The following SCARF2 variants were observed in gnomAD, a reference collection of about 807,000 sequenced individuals.
SCARF2 encodes scavenger receptor class F member 2.
SCARF2 carries 39 observed loss-of-function variants against 73.4 expected under a neutral mutation model. That is an observed-to-expected ratio of 0.53 (90% CI 0.41 to 0.69). SCARF2 has a LOEUF of 0.69. Among genes scored for constraint, SCARF2 ranks in the 30% least tolerant of loss-of-function variants. The pLI is 0.00. For synonymous variants in SCARF2, 605 were observed against 590.0 expected (o/e 1.03, Z -0.37); for missense variants, 1,148 against 1,303.5 (o/e 0.88, Z 1.84).
rs757118955 is a variant in SCARF2 at position 20,431,077 on chromosome 22, G to C, written c.795C>G (p.Arg265=). The change falls in exon 4 of 11, where the codon CGC becomes CGG. Residue 265 remains arginine, a synonymous_variant. Coordinates refer to ENST00000622235, the MANE Select transcript of SCARF2 (RefSeq NM_182895.5). ...DGTCACEPGY[R]GKYCREPCPA... ...GGCACGGCTCGCGACAGTACTTGCC[G>C]CGGTAGCCCGGCTCGCAGGCACACG... The C allele has an allele frequency of 1.3e-6, 2 of 1,547,840 alleles. No homozygotes were observed. Among genetic ancestry groups the C allele is most frequent in the Admixed American group, 3.7e-5 (2 of 53,402 alleles).
In SCARF2 at chr22:20,425,169, C is replaced by A; in HGVS notation, c.*206G>T. On this transcript the variant is annotated 3_prime_UTR_variant, in exon 11 of 11. Coordinates refer to ENST00000622235, the MANE Select transcript of SCARF2 (RefSeq NM_182895.5). This position sits in a 1 kb window ranked among gnomAD's most constrained non-coding sequence, Gnocchi z 4.6. ...CGCCCGCTAAGCGCCTGTCAGGCCT[C>A]GACCAACGGGATGGGCCCTTCCCGC... is the stretch of plus-strand genomic sequence containing the variant. 4.8e-6 allele frequency: 2 copies of A among 420,306 alleles called. No homozygotes were observed. Among genetic ancestry groups the A allele is most frequent in the Non-Finnish European group, 8.1e-6 (2 of 246,676 alleles). 26.0% of individuals were successfully genotyped at this position (420,306 alleles called of 1,614,324 possible).
Position 20,429,896 on chromosome 22 carries a change from C to T in SCARF2, c.1203-63G>A, listed in dbSNP as rs2052623516. The T allele has an allele frequency of 1.3e-6, 2 of 1,518,630 alleles. No individual in the cohort carries two copies. The highest frequency in any genetic ancestry group is 4.8e-5 in the East Asian group (2 of 41,868). The allele number at this position is 1,518,630 out of a possible 1,614,324, so 94.1% of individuals were successfully genotyped here. A position where few individuals can be genotyped will look rare whatever the true frequency, so the allele number is the denominator to read the frequency against. On this transcript the variant is annotated intron_variant, in intron 6 of 10. Coordinates refer to ENST00000622235, the MANE Select transcript of SCARF2 (RefSeq NM_182895.5). This position sits in a 1 kb window ranked among gnomAD's most constrained non-coding sequence, Gnocchi z 5.2. ...CCCCTAGGATGCCCCCTACCCTCAC[C>T]CCTCACCCGCGGCCAGGGCCCAGGG...
At chr22:20,432,305 C>G (rs1162525077) in intron 1 of SCARF2, among the ~76,000 whole-genome samples, 6 of 152,182 alleles carry the variant, frequency 3.9e-5, no homozygotes, top group Non-Finnish European at 7.3e-5. Context: ...AGGCAGCAGC[C>G]AGGGAGAAGA....
chr22:20,430,616 C>A, intron 5 of SCARF2, 59 bp from the exon 6 acceptor site: 1 of 1,608,924 alleles, frequency 6.2e-7, no homozygotes, highest in Non-Finnish European at 8.5e-7. Flanking sequence ...ACAGCGCCCT[C>A]GACATTGGGG....
chr22:20,429,885 C>T lies in SCARF2; in HGVS notation c.1203-52G>A. The T allele has an allele frequency of 1.3e-6, 2 of 1,560,118 alleles. No homozygotes were observed. The highest frequency in any genetic ancestry group is 1.7e-6 in the Non-Finnish European group (2 of 1,146,814). On this transcript the variant is annotated intron_variant, in intron 6 of 10. Coordinates refer to ENST00000622235, the MANE Select transcript of SCARF2 (RefSeq NM_182895.5). This position sits in a 1 kb window ranked among gnomAD's most constrained non-coding sequence, Gnocchi z 5.2. ...CCACAGCCGCCCCCCTAGGATGCCC[C>T]CTACCCTCACCCCTCACCCGCGGCC... is the stretch of plus-strand genomic sequence containing the variant.
chr22:20,425,603 C>T lies in SCARF2; in HGVS notation c.2373G>A (p.Gln791=). ...GGGGCGCCGGCTTTTCCCTGGGGCC[C>T]TGCGCGCCCAGGGCCACCTCGGCGC... is the stretch of plus-strand genomic sequence containing the variant. The part of the protein sequence containing the change: ...LGRAEVALGA[Q]GPREKPAPPQ... Residue 791 remains glutamine (Q), a synonymous_variant, in exon 11 of 11, where the codon CAG becomes CAA. Coordinates refer to ENST00000622235, the MANE Select transcript of SCARF2 (RefSeq NM_182895.5). This position sits in a 1 kb window ranked among gnomAD's most constrained non-coding sequence, Gnocchi z 4.6. 2 of 1,333,816 alleles carry T rather than the reference C, an allele frequency of 1.5e-6. No individual in the cohort carries two copies. The highest frequency in any genetic ancestry group is 1.5e-5 in the African/African-American group (1 of 64,930). The allele number at this position is 1,333,816 out of a possible 1,614,324, so 82.6% of individuals were successfully genotyped here.
intron 1 of SCARF2, among the ~76,000 whole-genome samples, chr22:20,436,497 G>A (rs958879598): frequency 2.6e-5 from 4 of 151,990 alleles, no homozygotes; most frequent in Non-Finnish European, 5.9e-5. Context: ...CCCGGAGGCG[G>A]GGCTCGCAGC....
chr22:20,430,786 C>T lies in SCARF2; in HGVS notation c.977G>A (p.Gly326Asp). ...GCATGGCGGACAGCGGTGGCTGCAGCCCTCGCCATAGAAACCGGTGGCGCA... is the reference window on the plus strand; with the variant it reads ...GCATGGCGGACAGCGGTGGCTGCAGTCCTCGCCATAGAAACCGGTGGCGCA... ...QPCATGFYGE[G>D]CSHRCPPCRD... Residue 326 changes from glycine to aspartate, a missense_variant, in exon 5 of 11, where the codon GGC (glycine) becomes GAC (aspartate). Around this residue, in one of 5 missense-constraint regions of SCARF2, gnomAD observed 372 missense variants for 532.0 expected, o/e 0.70. Coordinates refer to ENST00000622235, the MANE Select transcript of SCARF2 (RefSeq NM_182895.5). The T allele has an allele frequency of 6.2e-7, 1 of 1,605,652 alleles. No individual in the cohort carries two copies. The highest frequency in any genetic ancestry group is 8.5e-7 in the Non-Finnish European group (1 of 1,177,164).
At chr22:20,434,086 C>T (rs2052673726) in intron 1 of SCARF2, among the ~76,000 whole-genome samples, 1 of 152,322 alleles carries the variant, frequency 6.6e-6, no homozygotes, top group South Asian at 2.1e-4. Flanking sequence ...GAGCTTCAGG[C>T]TCCTTAGCTA....
At chr22:20,431,571 C>G (rs916546113) in intron 3 of SCARF2, 34 bp from the exon 4 acceptor site, 5 of 1,551,704 alleles carry the variant, frequency 3.2e-6, no homozygotes, top group South Asian at 2.4e-5. Context: ...TGGAAGGCCC[C>G]GGTGCTTGAG....
intron 1 of SCARF2, among the ~76,000 whole-genome samples, chr22:20,435,272 C>T (rs1231065879): frequency 6.6e-6 from 1 of 152,214 alleles, no homozygotes; most frequent in Non-Finnish European, 1.5e-5. Flanking sequence ...ACGCTGAGCT[C>T]TAGCTTCTAA....
chr22:20,426,468 G>T (rs1044726983), intron 10 of SCARF2, among the ~76,000 whole-genome samples, 186 bp from the exon 11 acceptor site: 10 of 152,374 alleles, frequency 6.6e-5, no homozygotes, highest in African/African-American at 2.4e-4. Context: ...AGGCTATGCG[G>T]CTGACTCTGA....
chr22:20,433,657 C>T (rs1210116760), intron 1 of SCARF2, among the ~76,000 whole-genome samples: 2 of 152,246 alleles, frequency 1.3e-5, no homozygotes, highest in Non-Finnish European at 2.9e-5. Context: ...ACCATAAAAT[C>T]TCAAACTTTG....
In SCARF2 at chr22:20,426,057, A is replaced by G. The variant is rs761786923; in HGVS notation, c.1919T>C (p.Ile640Thr). ...EARPARARGEIGGLSLSPSPE... is the reference protein window; with the variant it reads ...EARPARARGETGGLSLSPSPE... ...CGATGGCGACAGCGACAGGCCCCCA[A>G]TCTCGCCCCGGGCCCGGGCCGGCCG... The change falls in exon 11 of 11, where the codon ATT becomes ACT. Residue 640 changes from isoleucine to threonine, a missense_variant. Ile to Thr is a moderately conservative substitution (Grantham distance 89, BLOSUM62 -1). Coordinates refer to ENST00000622235, the MANE Select transcript of SCARF2 (RefSeq NM_182895.5). 1.2e-5 allele frequency: 19 copies of G among 1,568,280 alleles called. No individual in the cohort carries two copies. In the Admixed American group the frequency reaches 1.8e-4, roughly 15 times the overall value.
rs759292519 is a variant in SCARF2 at position 20,429,838 on chromosome 22, C to T, written c.1203-5G>A. The T allele has an allele frequency of 6.8e-6, 11 of 1,612,072 alleles. No homozygotes were observed. Among genetic ancestry groups the T allele is most frequent in the Admixed American group, 6.7e-5 (4 of 59,946 alleles). On this transcript the variant is annotated splice_polypyrimidine_tract_variant and splice_region_variant and intron_variant, in intron 6 of 10. Coordinates refer to ENST00000622235, the MANE Select transcript of SCARF2 (RefSeq NM_182895.5). This position sits in a 1 kb window ranked among gnomAD's most constrained non-coding sequence, Gnocchi z 5.2. ...GGCGGGCACGTCACGTTACAGCTGC[C>T]GGGACATAGGGTCAAGGCATGCCAC...
chr22:20,428,555 C>T (rs1447608500), intron 9 of SCARF2, among the ~76,000 whole-genome samples: 10 of 152,150 alleles, frequency 6.6e-5, no homozygotes, highest in Admixed American at 2.6e-4. Flanking sequence ...CCACCTGCCT[C>T]GGCCTCCCAA....
chr22:20,436,599 C>T (rs2052702711), intron 1 of SCARF2, among the ~76,000 whole-genome samples: 1 of 147,304 alleles, frequency 6.8e-6, no homozygotes, highest in South Asian at 2.5e-4. Flanking sequence ...CCCCTGGACT[C>T]GGCTTGCCCC....
chr22:20,431,957 T>C lies in SCARF2; in HGVS notation c.205A>G (p.Arg69Gly). ...ATCCCACACTCGTCCCCTTGCTGCC[T>C]CCAGCCAGCGCAGCACGTGGGCACC... is the stretch of plus-strand genomic sequence containing the variant. ...SQVPTCCAGW[R>G]QQGDECGIAV... Residue 69 changes from arginine (R) to glycine (G), a missense_variant, in exon 2 of 11, where the codon AGG (arginine) becomes GGG (glycine). By Grantham distance (125) the Arg-to-Gly change is moderately radical. This residue lies in a region of SCARF2 where 124 missense variants were observed against 120.4 expected (regional missense o/e 1.03). Coordinates refer to ENST00000622235, the MANE Select transcript of SCARF2 (RefSeq NM_182895.5). 1 of 1,575,460 alleles carries C rather than the reference T, an allele frequency of 6.3e-7. No homozygotes were observed. The highest frequency in any genetic ancestry group is 8.6e-7 in the Non-Finnish European group (1 of 1,164,908).
intron 1 of SCARF2, among the ~76,000 whole-genome samples, chr22:20,433,701 C>A (rs978049594): frequency 6.6e-6 from 1 of 152,254 alleles, no homozygotes; most frequent in African/African-American, 2.4e-5. Context: ...CACAATAAAA[C>A]TGGAAACCAG....
Sources: gnomAD v4.1 joint callset for allele counts (sites outside exome capture counted in the v4.1 genomes callset) on GRCh38, gnomAD v4.1.1 for gene constraint, gnomAD v4.1.1 regional missense constraint, Gnocchi (gnomAD v3.1) non-coding constraint, MANE v1.5 for transcripts, NCBI Gene and HGNC (gene_info 2026-07-23, HGNC 2026-07-21) for gene names.